CPM: variants seen among roughly 807,000 people sequenced by gnomAD.
CPM encodes the protein carboxypeptidase M.
CPM carries 35 observed loss-of-function variants against 46.4 expected under a neutral mutation model. That is an observed-to-expected ratio of 0.75 (90% CI 0.58 to 1.00). CPM has a LOEUF of 1.00. Ranked by LOEUF, CPM falls within the 50% of genes least tolerant of loss-of-function variation. CPM has a pLI of 0.00. For synonymous variants in CPM, 195 were observed against 195.3 expected (o/e 1.00, Z 0.01); for missense variants, 422 against 530.4 (o/e 0.80, Z 2.01).
At chr12:68,932,538 A>G (rs1888551646) in intron 2 of CPM, 140 bp downstream of exon 2, 2 of 943,686 alleles carry the variant, frequency 2.1e-6, no homozygotes, top group South Asian at 2.0e-5. Flanking sequence ...AAAACAACCA[A>G]CACGCACGGT....
chr12:68,849,160 G>A, downstream of CPM: 1 of 152,072 alleles, frequency 6.6e-6, no homozygotes, highest in Non-Finnish European at 1.5e-5. Flanking sequence ...CGCGATCTCG[G>A]CTCACTGCAA....
chr12:68,900,327 A>C (rs1296545834), intron 2 of CPM, among the ~76,000 whole-genome samples: 1 of 152,234 alleles, frequency 6.6e-6, no homozygotes, highest in Non-Finnish European at 1.5e-5. Context: ...AATTAAAACA[A>C]CAATGAGATA....
chr12:68,902,246 G>T (rs2136279677), intron 2 of CPM, among the ~76,000 whole-genome samples: 1 of 152,236 alleles, frequency 6.6e-6, no homozygotes, highest in Admixed American at 6.5e-5. Flanking sequence ...AATTTCTGTA[G>T]CAAGGTACCA....
chr12:68,903,830 G>GTCCGTCCC (rs1249725527), intron 2 of CPM, among the ~76,000 whole-genome samples: 1 of 151,738 alleles, frequency 6.6e-6, no homozygotes, highest in Non-Finnish European at 1.5e-5. Context: ...CCGTCCCGCC[G>GTCCGTCCC]TCCGTCCCTC....
chr12:68,962,215 A>C (rs1465785257), intron 1 of CPM, among the ~76,000 whole-genome samples: 1 of 151,728 alleles, frequency 6.6e-6, no homozygotes, highest in Non-Finnish European at 1.5e-5. Flanking sequence ...AAAAAAAAAA[A>C]AAACCAAGTG....
rs115882008 is a variant in CPM, at chr12:68,855,901, G to A, written c.*536C>T. 3.9e-3 allele frequency: 596 copies of A among 154,070 alleles called. 2 individuals are homozygous for A. The highest frequency in any genetic ancestry group is 0.013 in the African/African-American group (524 of 41,496). The allele number at this position is 154,070 out of a possible 1,614,324, so 9.5% of individuals were successfully genotyped here. ...TTACAGGTGCCCGCCACCACACCCC[G>A]CTAATATTTAGTAGAGACAGGGTTT... On this transcript the variant is annotated 3_prime_UTR_variant, in exon 9 of 9. Coordinates refer to ENST00000551568, the MANE Select transcript of CPM (RefSeq NM_198320.5).
intron 1 of CPM, among the ~76,000 whole-genome samples, chr12:68,943,248 G>A (rs1235225404): frequency 6.6e-6 from 1 of 152,140 alleles, no homozygotes; most frequent in Admixed American, 6.6e-5. Context: ...TGTAAACTGG[G>A]CTAACTCATG....
At chr12:68,962,176 G>A (rs574744711) in intron 1 of CPM, among the ~76,000 whole-genome samples, 2 of 146,672 alleles carry the variant, frequency 1.4e-5, no homozygotes, top group Admixed American at 6.8e-5. Flanking sequence ...CTCCAGCCTG[G>A]GCGACAGAGC....
In CPM at chr12:68,866,854, T is replaced by C. The variant is rs1207533973; in HGVS notation, c.940+42A>G. The C allele has an allele frequency of 2.6e-6, 4 of 1,555,162 alleles. No individual in the cohort carries two copies. The Admixed American group carries it at 7.0e-5, about 27-fold the overall frequency. Reference sequence around the variant, plus strand: ...AACCCAGAGGTCTTGCCAGATGCTCTATTTTGTATTAATAGGGAATTAATA... The same window carrying C: ...AACCCAGAGGTCTTGCCAGATGCTCCATTTTGTATTAATAGGGAATTAATA... On this transcript the variant is annotated intron_variant, in intron 7 of 8. Transcript: ENST00000551568.
Position 68,885,844 on chromosome 12 carries a change from T to C in CPM, c.206A>G (p.His69Arg). Residue 69 changes from histidine to arginine, a missense_variant, in exon 3 of 9, where the codon CAC becomes CGC. His to Arg is a conservative substitution (Grantham distance 29). Transcript: ENST00000551568. ...TTTGAACTCTGGAATCCCAATTCTG[T>C]GTTCCTTTGGAAACCGCCCCACAAC... is the stretch of plus-strand genomic sequence containing the variant. ...VLVVGRFPKE[H>R]RIGIPEFKYV... The C allele has an allele frequency of 1.2e-6, 2 of 1,614,214 alleles. No individual in the cohort carries two copies. Among genetic ancestry groups the C allele is most frequent in the Non-Finnish European group, 1.7e-6 (2 of 1,180,034 alleles).
chr12:68,957,268 C>A (rs1363421546), intron 1 of CPM: 1 of 153,444 alleles, frequency 6.5e-6, no homozygotes, highest in Non-Finnish European at 1.5e-5. Flanking sequence ...ATCCTCAAAC[C>A]TGTATTCCAG....
intron 5 of CPM, chr12:68,845,208 AAAG>A (rs1340041750): frequency 1.2e-5 from 1 of 86,296 alleles, no homozygotes; most frequent in African/African-American, 6.0e-5. Flanking sequence ...ATACTTATAA[AAAG>A]AAAAAGTATT....
At chr12:68,844,861 G>A in intron 5 of CPM, 1 of 202,232 alleles carries the variant, frequency 4.9e-6, no homozygotes, top group Non-Finnish European at 1.0e-5. Flanking sequence ...CTGCCTCCTG[G>A]CTGTGTTCAA....
At chr12:68,932,586 G>C in intron 2 of CPM, 92 bp downstream of exon 2, 1 of 1,462,854 alleles carries the variant, frequency 6.8e-7, no homozygotes, top group East Asian at 2.3e-5. Context: ...GAGTAGGTGC[G>C]TGGAAGAGCA....
chr12:68,959,521 G>A (rs1889077874), intron 1 of CPM, among the ~76,000 whole-genome samples: 1 of 152,188 alleles, frequency 6.6e-6, no homozygotes, highest in Non-Finnish European at 1.5e-5. Flanking sequence ...AGAAATCAAA[G>A]GCAGTTGGAC....
At chr12:68,895,028 CAAAA>C (rs35142646) in intron 2 of CPM, among the ~76,000 whole-genome samples, 6 of 78,240 alleles carry the variant, frequency 7.7e-5, no homozygotes, top group African/African-American at 1.5e-4. Flanking sequence ...GACTCAGTCT[CAAAA>C]AAAAAAAAAA....
At chr12:68,918,801 C>A (rs1182568788) in intron 2 of CPM, among the ~76,000 whole-genome samples, 1 of 152,166 alleles carries the variant, frequency 6.6e-6, no homozygotes, top group Non-Finnish European at 1.5e-5. Context: ...AGTCTCCCTG[C>A]TTCTATTCTG....
At chr12:68,932,551 C>T (rs1888552345) in intron 2 of CPM, 127 bp downstream of exon 2, 1 of 1,085,466 alleles carries the variant, frequency 9.2e-7, no homozygotes, top group East Asian at 2.4e-5. Context: ...CGCACGGTAC[C>T]GGTTGACTTG....
chr12:68,930,242 G>A (rs932025215), intron 2 of CPM, among the ~76,000 whole-genome samples: 8 of 152,128 alleles, frequency 5.3e-5, no homozygotes, highest in Non-Finnish European at 1.0e-4. Flanking sequence ...CACCATGTCT[G>A]GTTAATTTTT....
Sources: allele counts gnomAD v4.1 joint callset (sites outside exome capture counted in the v4.1 genomes callset), GRCh38; gene constraint gnomAD v4.1.1; transcripts MANE v1.5; gene names NCBI Gene and HGNC (gene_info 2026-07-23, HGNC 2026-07-21).